CASK: variants seen among roughly 807,000 people sequenced by gnomAD.
CASK encodes calcium/calmodulin dependent serine protein kinase.
In CASK, 4 loss-of-function variants were observed where a neutral mutation model predicts 82.9. The ratio of observed to expected loss-of-function variants is 0.05; its 90% confidence interval spans 0.02 to 0.11. The LOEUF is 0.11. Ranked by LOEUF, CASK falls within the 10% of genes least tolerant of loss-of-function variation. The probability of loss-of-function intolerance (pLI) is 1.00; values close to 1 mark genes in which losing one functional copy is unlikely to be tolerated. For synonymous variants in CASK, 259 were observed against 253.5 expected (o/e 1.02, Z -0.20); for missense variants, 358 against 720.9 (o/e 0.50, Z 5.76).
At chrX:41,651,557 A>G (rs2066865519) in intron 8 of CASK, among the ~76,000 whole-genome samples, 1 of 110,989 alleles carries the variant, frequency 9.0e-6, no homozygotes, top group South Asian at 3.8e-4. Context: ...CGCTTGGCTA[A>G]TTTTTTAATT....
chrX:41,847,408 G>A (rs2071177005), intron 2 of CASK, among the ~76,000 whole-genome samples: 1 of 111,488 alleles, frequency 9.0e-6, no homozygotes. Context: ...AGCCTCTTTA[G>A]TTACTGTATT....
chrX:41,603,869 C>T (rs1233486867), intron 12 of CASK, among the ~76,000 whole-genome samples: 5 of 111,744 alleles, frequency 4.5e-5, no homozygotes, highest in African/African-American at 1.6e-4. Context: ...TGGTGATTTA[C>T]AAACTAAACA....
intron 2 of CASK, among the ~76,000 whole-genome samples, chrX:41,832,366 GATCTC>G (rs2070840140): frequency 8.9e-6 from 1 of 111,777 alleles, no homozygotes; most frequent in Non-Finnish European, 1.9e-5. Flanking sequence ...GTCCAACAAG[GATCTC>G]ATTTTCTTGC....
At chrX:41,704,368 G>A (rs949875451) in intron 5 of CASK, among the ~76,000 whole-genome samples, 8 of 111,949 alleles carry the variant, frequency 7.1e-5, no homozygotes, top group African/African-American at 2.6e-4. Flanking sequence ...TAGAGGAGTC[G>A]AAATCAGGTG....
At chrX:41,822,882 A>G (rs2070579870) in intron 2 of CASK, among the ~76,000 whole-genome samples, 1 of 109,977 alleles carries the variant, frequency 9.1e-6, no homozygotes, top group Admixed American at 9.7e-5. Flanking sequence ...TCCTTTGTCC[A>G]TCATGTCTGC....
At chrX:41,633,606 A>AT (rs1022535667) in intron 9 of CASK, among the ~76,000 whole-genome samples, 6 of 105,538 alleles carry the variant, frequency 5.7e-5, no homozygotes, top group Admixed American at 5.1e-4. Context: ...CTTTTTTTTT[A>AT]TTTTTTTTTA....
chrX:41,812,975 T>G (rs1355622570), intron 2 of CASK, among the ~76,000 whole-genome samples: 1 of 111,312 alleles, frequency 9.0e-6, no homozygotes, highest in Admixed American at 9.5e-5. Context: ...AAATCATGAG[T>G]GAACTCCCAT....
intron 5 of CASK, among the ~76,000 whole-genome samples, chrX:41,672,238 A>C (rs1486111336): frequency 9.0e-6 from 1 of 111,115 alleles, no homozygotes; most frequent in Non-Finnish European, 1.9e-5. Flanking sequence ...CCTCTCCCCA[A>C]GGGGTATCCT....
At chrX:41,713,050 G>A (rs1367296888) in intron 5 of CASK, among the ~76,000 whole-genome samples, 1 of 111,791 alleles carries the variant, frequency 8.9e-6, no homozygotes, top group Non-Finnish European at 1.9e-5. Context: ...CTCCTGCACG[G>A]CTGGTTCTGC....
At chrX:41,544,574 A>C (rs1158237961) in intron 21 of CASK, among the ~76,000 whole-genome samples, 1 of 108,028 alleles carries the variant, frequency 9.3e-6, no homozygotes, top group Non-Finnish European at 1.9e-5. Flanking sequence ...TAAAAAAAAA[A>C]AAAAAAAAAA....
intron 22 of CASK, among the ~76,000 whole-genome samples, chrX:41,537,583 T>C (rs1340736161): frequency 9.0e-6 from 1 of 110,834 alleles, no homozygotes; most frequent in African/African-American, 3.3e-5. Context: ...TATCATGCAA[T>C]ATTCTAAACA....
In CASK at chrX:41,863,913, T is replaced by C. The variant is rs72626425; in HGVS notation, c.60-10686A>G. On this transcript the variant is annotated intron_variant, in intron 1 of 26. Transcript: ENST00000378163. ...TAAATCATATTTCTAAGGGGTGTGT[T>C]CTGTTAATATGCCACTAACATAGGT... 1.2e-4 allele frequency among the ~76,000 whole-genome samples: 13 copies of C among 112,044 alleles called. No individual in the cohort carries two copies. The East Asian group carries it at 3.6e-3, about 31-fold the overall frequency.
chrX:41,664,204 A>G (rs922167747), intron 7 of CASK, among the ~76,000 whole-genome samples: 2 of 112,323 alleles, frequency 1.8e-5, no homozygotes, highest in African/African-American at 3.2e-5. Flanking sequence ...ATAAACCAAC[A>G]AAAGTATATA....
chrX:41,574,910 G>C (rs1485954344), intron 15 of CASK, among the ~76,000 whole-genome samples: 2 of 112,322 alleles, frequency 1.8e-5, no homozygotes, highest in Non-Finnish European at 3.8e-5. Flanking sequence ...CTATTTTGCA[G>C]TTTTCAGAAG....
At chrX:41,587,155 T>C in intron 13 of CASK, 168 bp from the exon 14 acceptor site, 1 of 396,402 alleles carries the variant, frequency 2.5e-6, no homozygotes, top group South Asian at 4.5e-5. Flanking sequence ...AAGAACAGTA[T>C]TGATGGTAAT....
rs762223772 is a variant in CASK, at chrX:41,805,630, T to TGGGGAAAGGGGAAAGAGAA, written c.173-18366_173-18348dup. 1.8e-3 allele frequency among the ~76,000 whole-genome samples: 203 copies of TGGGGAAAGGGGAAAGAGAA among 110,854 alleles called. 2 individuals are homozygous for TGGGGAAAGGGGAAAGAGAA. Among genetic ancestry groups the TGGGGAAAGGGGAAAGAGAA allele is most frequent in the Non-Finnish European group, 2.5e-3 (131 of 52,875 alleles). On this transcript the variant is annotated intron_variant, in intron 2 of 26. Coordinates refer to ENST00000378163, the MANE Select transcript of CASK (RefSeq NM_001367721.1). ...GAAATTAGAAAACCTAGAGAGCAACTGGGGAAAGGGGAAAGAGAAAGGGAA... is the reference window on the plus strand; with the variant it reads ...GAAATTAGAAAACCTAGAGAGCAACTGGGGAAAGGGGAAAGAGAAGGGGAAAGGGGAAAGAGAAAGGGAA...
intron 7 of CASK, 27 bp from the exon 8 acceptor site, chrX:41,660,588 T>C (rs2067016661): frequency 8.5e-7 from 1 of 1,182,627 alleles, no homozygotes; most frequent in South Asian, 1.8e-5. Flanking sequence ...GAAAACTACA[T>C]AGTTACCTTA....
intron 1 of CASK, among the ~76,000 whole-genome samples, chrX:41,887,966 C>T (rs1034377205): frequency 2.7e-5 from 3 of 112,026 alleles, no homozygotes. Context: ...CCACAACCTT[C>T]AATGTCTTCT....
chrX:41,782,641 A>C (rs755205274), intron 3 of CASK, among the ~76,000 whole-genome samples: 1 of 111,976 alleles, frequency 8.9e-6, no homozygotes, highest in East Asian at 2.8e-4. Flanking sequence ...ACTGAGGCTC[A>C]GGGAACTTAT....
Sources: gnomAD v4.1 joint callset for allele counts (sites outside exome capture counted in the v4.1 genomes callset) on GRCh38, gnomAD v4.1.1 for gene constraint, MANE v1.5 for transcripts, NCBI Gene and HGNC (gene_info 2026-07-23, HGNC 2026-07-21) for gene names.